Variants in LPAR1 observed in about 807,000 individuals in gnomAD.
The protein encoded by LPAR1 is lysophosphatidic acid receptor 1.
A neutral mutation model predicts 23.8 loss-of-function variants in LPAR1; 5 were observed. The ratio of observed to expected loss-of-function variants is 0.21; its 90% CI spans 0.11 to 0.44. The LOEUF (loss-of-function observed/expected upper bound fraction) is 0.44, where lower values mean the gene tolerates loss of function less well. Among genes scored for constraint, LPAR1 ranks in the 20% least tolerant of loss-of-function variants. The pLI is 0.99. For synonymous variants in LPAR1, 160 were observed against 164.7 expected (o/e 0.97, Z 0.22); for missense variants, 311 against 482.8 (o/e 0.64, Z 3.33).
rs751736725 is a variant in LPAR1 at position 110,895,762 on chromosome 9, C to T, written c.794-20040G>A. ...AGCTGGGCAGCTGGGCAAAGGCCAG[C>T]GCTGAGAGAATTTCATTGCAGAACA... On this transcript the variant is annotated intron_variant, in intron 5 of 5. Transcript: ENST00000683809. Among the ~76,000 whole-genome samples the T allele has an allele frequency of 4.6e-5, 7 of 152,070 alleles. No individual in the cohort carries two copies. In the East Asian group the frequency reaches 5.8e-4, roughly 13 times the overall value.
At chr9:111,001,888 C>A (rs2097134864) in intron 2 of LPAR1, among the ~76,000 whole-genome samples, 1 of 152,094 alleles carries the variant, frequency 6.6e-6, no homozygotes, top group Non-Finnish European at 1.5e-5. Context: ...AATTAGAATT[C>A]TATTTTTAAA....
chr9:110,885,366 G>C (rs2082094278), intron 5 of LPAR1, among the ~76,000 whole-genome samples: 1 of 152,148 alleles, frequency 6.6e-6, no homozygotes, highest in African/African-American at 2.4e-5. Flanking sequence ...ACCAAAGTCA[G>C]CTTTTCCCTG....
In LPAR1 at chr9:110,966,595, T is replaced by G. The variant is rs149964211; in HGVS notation, c.45+5478A>C. Among the ~76,000 whole-genome samples the G allele has an allele frequency of 9.6e-3, 1,460 of 152,106 alleles. 23 individuals are homozygous for G. The highest frequency in any genetic ancestry group is 0.032 in the African/African-American group (1,341 of 41,524). The stretch of plus-strand genomic sequence containing the variant: ...TGTTCTGCACATGTATCCCAGAACT[T>G]AAAGTAAAATATTTTAGAATAAAAT... On this transcript the variant is annotated intron_variant, in intron 4 of 5. Transcript: ENST00000683809.
At chr9:110,963,686 T>G (rs2096085942) in intron 4 of LPAR1, among the ~76,000 whole-genome samples, 3 of 152,064 alleles carry the variant, frequency 2.0e-5, no homozygotes, top group Admixed American at 2.0e-4. Context: ...AAAAAAGAAC[T>G]TCCAGACTAA....
At chr9:110,945,756 A>G (rs2095354572) in intron 4 of LPAR1, among the ~76,000 whole-genome samples, 1 of 152,104 alleles carries the variant, frequency 6.6e-6, no homozygotes. Context: ...TGTCTTTTCC[A>G]ACTTCTAGAG....
intron 4 of LPAR1, among the ~76,000 whole-genome samples, chr9:110,961,563 T>C (rs1425433236): frequency 1.5e-5 from 2 of 135,924 alleles, no homozygotes; most frequent in Non-Finnish European, 1.5e-5. Context: ...GAGGTTGCAG[T>C]GAACTGTGAT....
At chr9:110,879,783 C>G (rs536145029) in intron 5 of LPAR1, among the ~76,000 whole-genome samples, 1 of 152,152 alleles carries the variant, frequency 6.6e-6, no homozygotes, top group African/African-American at 2.4e-5. Flanking sequence ...AGAATCAGGA[C>G]AGCAGCACTG....
Position 110,989,941 on chromosome 9 carries a change from G to A in LPAR1, c.-181-16383C>T, listed in dbSNP as rs150981069. ...AGCTAACACTAAACAAAACAAAGCT[G>A]AAGTATCAATATTAAAATCTAACAG... On this transcript the variant is annotated intron_variant, in intron 2 of 5. Transcript: ENST00000683809. Among the ~76,000 whole-genome samples the A allele has an allele frequency of 4.0e-3, 539 of 136,250 alleles. 2 individuals are homozygous for A. The highest frequency in any genetic ancestry group is 6.0e-3 in the Non-Finnish European group (378 of 63,312). The allele number at this position is 136,250 out of a possible 152,430, so 89.4% of individuals were successfully genotyped here.
At chr9:110,966,495 A>T (rs1464148150) in intron 4 of LPAR1, among the ~76,000 whole-genome samples, 1 of 151,860 alleles carries the variant, frequency 6.6e-6, no homozygotes. Context: ...AAAAAAAAAA[A>T]AACCAACCTA....
intron 2 of LPAR1, among the ~76,000 whole-genome samples, chr9:110,976,389 CCAG>C (rs1468843970): frequency 2.6e-5 from 4 of 151,902 alleles, no homozygotes; most frequent in Admixed American, 6.6e-5. Context: ...GCCTGTAATC[CCAG>C]CTACTCAGGA....
rs1195500975 is a variant in LPAR1 at position 111,023,738 on chromosome 9, T to C, written c.-182+12384A>G. On this transcript the variant is annotated intron_variant, in intron 2 of 5. Coordinates refer to ENST00000683809, the MANE Select transcript of LPAR1 (RefSeq NM_001351411.2). The stretch of plus-strand genomic sequence containing the variant: ...ACTGCAGTTCATGACTAGATAAGTG[T>C]TTTCAAAATGTATGAGTTATAACCA... Among the ~76,000 whole-genome samples the C allele has an allele frequency of 5.2e-4, 79 of 152,170 alleles. 1 individual carries two copies. Among genetic ancestry groups the C allele is most frequent in the Non-Finnish European group, 2.9e-5 (2 of 68,034 alleles).
intron 5 of LPAR1, among the ~76,000 whole-genome samples, chr9:110,902,591 A>G (rs995533108): frequency 2.0e-5 from 3 of 152,134 alleles, no homozygotes; most frequent in Admixed American, 6.6e-5. Context: ...ACCCAGTCTC[A>G]GGTATGTCTT....
At chr9:111,038,476 G>A, upstream of LPAR1, 1 of 378,718 alleles carries the variant, frequency 2.6e-6, no homozygotes, top group South Asian at 1.9e-5. The surrounding 1 kb of genome is among the most constrained non-coding windows in gnomAD (Gnocchi z 4.4). Context: ...CTACTGCCCG[G>A]CTTTGGCGCG....
At position 110,958,771 on chromosome 9, in the gene LPAR1, G is replaced by A. The variant is rs563045305; in HGVS notation, c.45+13302C>T. Among the ~76,000 whole-genome samples, 19 of 151,398 alleles carry A rather than the reference G, an allele frequency of 1.3e-4. No individual in the cohort carries two copies. In the South Asian group the frequency reaches 3.8e-3, roughly 30 times the overall value. On this transcript the variant is annotated intron_variant, in intron 4 of 5. Coordinates refer to ENST00000683809, the MANE Select transcript of LPAR1 (RefSeq NM_001351411.2). ...TCAATAGAATGAGAGGCAACTGGTT[G>A]AATGGGATAAAATATTTTCTAACTA...
chr9:110,950,820 T>C (rs2095546377), intron 4 of LPAR1, among the ~76,000 whole-genome samples: 1 of 152,208 alleles, frequency 6.6e-6, no homozygotes, highest in African/African-American at 2.4e-5. Context: ...AGTATCAATA[T>C]ATAAATTTAA....
chr9:110,969,344 G>A (rs527490913), intron 4 of LPAR1, among the ~76,000 whole-genome samples: 1 of 152,142 alleles, frequency 6.6e-6, no homozygotes, highest in East Asian at 1.9e-4. Context: ...GTACTATTTT[G>A]CGTCTTGCTT....
chr9:111,012,946 C>CTT (rs1207488842), intron 2 of LPAR1, among the ~76,000 whole-genome samples: 1 of 152,072 alleles, frequency 6.6e-6, no homozygotes, highest in Non-Finnish European at 1.5e-5. Context: ...GAATTTCACT[C>CTT]TTAAAATTTT....
intron 5 of LPAR1, among the ~76,000 whole-genome samples, chr9:110,878,562 A>C (rs2079780503): frequency 6.6e-6 from 1 of 152,202 alleles, no homozygotes; most frequent in African/African-American, 2.4e-5. Flanking sequence ...ATCAACATGT[A>C]ATCTACAGAG....
intron 2 of LPAR1, among the ~76,000 whole-genome samples, chr9:111,031,388 T>G (rs2097790724): frequency 7.6e-6 from 1 of 131,392 alleles, no homozygotes; most frequent in South Asian, 2.4e-4. Flanking sequence ...GAGAGCCCAT[T>G]TCTTTAAAAA....
Sources: allele counts gnomAD v4.1 joint callset (sites outside exome capture counted in the v4.1 genomes callset), GRCh38; gene constraint gnomAD v4.1.1; non-coding constraint Gnocchi (gnomAD v3.1); transcripts MANE v1.5; gene names NCBI Gene and HGNC (gene_info 2026-07-23, HGNC 2026-07-21).